FAM169A: variants seen among roughly 807,000 people sequenced by gnomAD.
The protein encoded by FAM169A is soluble lamin-associated protein of 75 kDa.
FAM169A carries 24 observed loss-of-function variants against 75.7 expected under a neutral mutation model. The ratio of observed to expected loss-of-function variants is 0.32; its 90% CI spans 0.23 to 0.45. The LOEUF (loss-of-function observed/expected upper bound fraction) is 0.45. FAM169A is among the 20% of genes least tolerant of loss of function. The pLI is 1.00. For missense variants in FAM169A, 673 were observed against 784.0 expected, an observed-to-expected ratio of 0.86 and a Z score of 1.69; for synonymous variants, 271 against 271.0, an observed-to-expected ratio of 1.00 and a Z score of 0.00.
At chr5:74,784,436 T>C (rs1029594017) in intron 11 of FAM169A, among the ~76,000 whole-genome samples, 1 of 132,206 alleles carries the variant, frequency 7.6e-6, no homozygotes, top group African/African-American at 3.0e-5. Flanking sequence ...GAACCCAGGA[T>C]GCAGAGGTAG....
Position 74,801,038 on chromosome 5 carries a change from GA to G in FAM169A, c.953-9del, listed in dbSNP as rs1746545945. 6.6e-7 allele frequency: 1 copy of G among 1,524,162 alleles called. No homozygotes were observed. The highest frequency in any genetic ancestry group is 8.8e-7 in the Non-Finnish European group (1 of 1,137,752). The allele number at this position is 1,524,162 out of a possible 1,614,324, so 94.4% of individuals were successfully genotyped here. ...CAGATGTTTTATCATGACCTGAGGA[GA>G]AAAACAGCAAAACTGCACTTAATTG... On this transcript the variant is annotated splice_polypyrimidine_tract_variant and intron_variant, in intron 9 of 12. Transcript: ENST00000687041.
chr5:74,851,161 A>T (rs546756856), intron 1 of FAM169A, among the ~76,000 whole-genome samples: 2 of 152,350 alleles, frequency 1.3e-5, no homozygotes, highest in Admixed American at 1.3e-4. Context: ...TACTCCTGGT[A>T]AGGTGAAGGA....
At chr5:74,829,437 A>T (rs12187708) in intron 5 of FAM169A, among the ~76,000 whole-genome samples, 13,426 of 152,260 alleles carry the variant, frequency 0.088, 746 homozygotes, top group Non-Finnish European at 0.12. Context: ...TATGACACAG[A>T]TCTAATCTCT....
intron 5 of FAM169A, 72 bp from the exon 6 acceptor site, chr5:74,814,091 TAAC>T: frequency 8.1e-7 from 1 of 1,241,262 alleles, no homozygotes; most frequent in Non-Finnish European, 1.1e-6. Flanking sequence ...TGACATGAGT[TAAC>T]AGTCTTTCTA....
intron 1 of FAM169A, among the ~76,000 whole-genome samples, chr5:74,858,009 G>T (rs1033391773): frequency 1.3e-5 from 2 of 151,984 alleles, no homozygotes; most frequent in Non-Finnish European, 2.9e-5. Context: ...TTAATTTCAA[G>T]TATTTTTAGA....
chr5:74,802,407 C>A lies in FAM169A; in HGVS notation c.913-778G>T, dbSNP rs539935213. ...TGATAAAAAAAAAAAGAGGAAAAAA[C>A]TTTTAATGGCCAACCACTGCTTAGA... On this transcript the variant is annotated intron_variant, in intron 8 of 12. Coordinates refer to ENST00000687041, the MANE Select transcript of FAM169A (RefSeq NM_001376049.1). Among the ~76,000 whole-genome samples the A allele has an allele frequency of 1.8e-3, 279 of 151,814 alleles. 3 individuals are homozygous for A. Among genetic ancestry groups the A allele is most frequent in the African/African-American group, 6.3e-3 (262 of 41,424 alleles).
In FAM169A at chr5:74,779,747, A is replaced by G. The variant is rs545196061; in HGVS notation, c.*1713T>C. ...ATTAAAGAAAATATAGGGTAATACAATTGTTCAAAATCTAACACAAATAGG... is the reference window on the plus strand; with the variant it reads ...ATTAAAGAAAATATAGGGTAATACAGTTGTTCAAAATCTAACACAAATAGG... On this transcript the variant is annotated 3_prime_UTR_variant, in exon 13 of 13. Transcript: ENST00000687041. The G allele has an allele frequency of 4.5e-4, 68 of 152,312 alleles. No individual in the cohort carries two copies. The highest frequency in any genetic ancestry group is 1.6e-3 in the African/African-American group (65 of 41,586). The allele number at this position is 152,312 out of a possible 1,614,324, so 9.4% of individuals were successfully genotyped here.
At chr5:74,798,063 G>A (rs957092628) in intron 10 of FAM169A, among the ~76,000 whole-genome samples, 1 of 152,164 alleles carries the variant, frequency 6.6e-6, no homozygotes, top group Non-Finnish European at 1.5e-5. Context: ...TCTGCTTGTT[G>A]AGTTTCTACT....
At chr5:74,801,477 A>G in intron 9 of FAM169A, 113 bp downstream of exon 9, 1 of 851,520 alleles carries the variant, frequency 1.2e-6, no homozygotes, top group Admixed American at 1.9e-5. Flanking sequence ...GAGCTGGTTA[A>G]GTCTTCACTT....
intron 5 of FAM169A, 77 bp from the exon 6 acceptor site, chr5:74,814,096 GTCTT>G (rs1289496742): frequency 1.2e-5 from 15 of 1,221,940 alleles, no homozygotes; most frequent in Non-Finnish European, 1.5e-5. Flanking sequence ...TGAGTTAACA[GTCTT>G]TCTAAAAAAA....
rs549195089 is a variant in FAM169A, at chr5:74,819,195, G to C, written c.491-5176C>G. ...GATTGCACCACTGCACTCCAGCCTG[G>C]GTGACAGAGCAAAACTCGTCTCAAA... On this transcript the variant is annotated intron_variant, in intron 5 of 12. Coordinates refer to ENST00000687041, the MANE Select transcript of FAM169A (RefSeq NM_001376049.1). 2.6e-5 allele frequency among the ~76,000 whole-genome samples: 4 copies of C among 151,772 alleles called. No individual in the cohort carries two copies. The South Asian group carries it at 8.3e-4, about 32-fold the overall frequency.
At chr5:74,860,821 T>A (rs1300812088) in intron 1 of FAM169A, among the ~76,000 whole-genome samples, 4 of 134,092 alleles carry the variant, frequency 3.0e-5, no homozygotes, top group Non-Finnish European at 6.2e-5. Context: ...AAATGCAATG[T>A]AGCACTAAAA....
At chr5:74,784,780 G>A (rs191510581) in intron 11 of FAM169A, among the ~76,000 whole-genome samples, 2,700 of 150,004 alleles carry the variant, frequency 0.018, 84 homozygotes, top group African/African-American at 0.062. Flanking sequence ...TTAGCCGGGC[G>A]TGGTGGCAGG....
In FAM169A at chr5:74,812,298, T is replaced by C. The variant is rs1561302247; in HGVS notation, c.670+1542A>G. Among the ~76,000 whole-genome samples, 4 of 152,108 alleles carry C rather than the reference T, an allele frequency of 2.6e-5. No homozygotes were observed. In the South Asian group the frequency reaches 8.3e-4, roughly 32 times the overall value. On this transcript the variant is annotated intron_variant, in intron 6 of 12. Transcript: ENST00000687041. Reference sequence around the variant, plus strand: ...GCCACCACACCCAGCTAATTTTTTTTGTAATTTTTGTAGCGATGGGGTTTT... The same window carrying C: ...GCCACCACACCCAGCTAATTTTTTTCGTAATTTTTGTAGCGATGGGGTTTT...
intron 1 of FAM169A, among the ~76,000 whole-genome samples, chr5:74,862,365 G>C (rs889487553): frequency 1.3e-5 from 2 of 152,120 alleles, no homozygotes; most frequent in Admixed American, 6.5e-5. Flanking sequence ...TTCAGAACAG[G>C]ACCAGTTATA....
chr5:74,799,718 G>A (rs1409233835), intron 10 of FAM169A: 12 of 1,209,498 alleles, frequency 9.9e-6, no homozygotes, highest in Non-Finnish European at 1.5e-5. Flanking sequence ...GTCTCAATCT[G>A]AAGACGGAGT....
At chr5:74,862,953 G>A (rs889896356) in intron 1 of FAM169A, among the ~76,000 whole-genome samples, 40 of 145,208 alleles carry the variant, frequency 2.8e-4, no homozygotes, top group African/African-American at 1.0e-3. Context: ...TGGAATAAAT[G>A]AAAGCTATCT....
chr5:74,799,072 G>A (rs916254073), intron 10 of FAM169A: 32 of 1,008,544 alleles, frequency 3.2e-5, no homozygotes, highest in Non-Finnish European at 4.6e-5. Flanking sequence ...TGCCCTCAGT[G>A]TCAATAATCA....
chr5:74,799,699 A>G (rs1339347092), intron 10 of FAM169A: 2 of 1,255,982 alleles, frequency 1.6e-6, no homozygotes, highest in African/African-American at 2.9e-5. Context: ...TGCCTCAAAA[A>G]GTGTGCATGT....
Sources: allele counts gnomAD v4.1 joint callset (sites outside exome capture counted in the v4.1 genomes callset), GRCh38; gene constraint gnomAD v4.1.1; transcripts MANE v1.5; gene names NCBI Gene and HGNC (gene_info 2026-07-23, HGNC 2026-07-21).